Variants in PEBP4 observed in about 807,000 individuals in gnomAD.
PEBP4 encodes the protein phosphatidylethanolamine-binding protein 4.
PEBP4 carries 22 observed loss-of-function variants against 23.9 expected under a neutral mutation model. The observed-to-expected ratio is 0.92, with a 90% CI of 0.66 to 1.31. The LOEUF is 1.31. Ranked by LOEUF, PEBP4 falls within the 40% of genes most tolerant of loss-of-function variation. The pLI is 0.00. For synonymous variants in PEBP4, 112 were observed against 99.3 expected (o/e 1.13, Z -0.76); for missense variants, 324 against 281.7 (o/e 1.15, Z -1.07).
chr8:22,782,295 C>G (rs1805933269), intron 4 of PEBP4, among the ~76,000 whole-genome samples: 1 of 152,210 alleles, frequency 6.6e-6, no homozygotes, highest in African/African-American at 2.4e-5. Flanking sequence ...TAAGAGCAAT[C>G]ATGTGAGCTA....
intron 4 of PEBP4, among the ~76,000 whole-genome samples, chr8:22,767,245 A>G (rs1805629091): frequency 6.6e-6 from 1 of 152,222 alleles, no homozygotes; most frequent in Non-Finnish European, 1.5e-5. Context: ...TTCCCAAATC[A>G]TACCACTTAG....
intron 3 of PEBP4, among the ~76,000 whole-genome samples, chr8:22,882,612 T>TC (rs1274304630): frequency 6.6e-6 from 1 of 152,198 alleles, no homozygotes; most frequent in Non-Finnish European, 1.5e-5. Flanking sequence ...GGTGTATTAA[T>TC]CGTGTCTTTT....
chr8:22,790,982 G>T (rs1291818761), intron 4 of PEBP4, among the ~76,000 whole-genome samples: 2 of 152,196 alleles, frequency 1.3e-5, no homozygotes, highest in Admixed American at 1.3e-4. Flanking sequence ...GGAACAATAT[G>T]ACAGCAGTTA....
At chr8:22,922,598 C>T (rs1196276083) in intron 2 of PEBP4, among the ~76,000 whole-genome samples, 2 of 125,966 alleles carry the variant, frequency 1.6e-5, no homozygotes, top group Admixed American at 1.5e-4. Context: ...AAAAAAAACA[C>T]CATGGTAGTG....
At chr8:22,811,158 A>G (rs1167212739) in intron 4 of PEBP4, among the ~76,000 whole-genome samples, 1 of 152,132 alleles carries the variant, frequency 6.6e-6, no homozygotes, top group African/African-American at 2.4e-5. Context: ...CTCATTTCCA[A>G]TTCACTGCAT....
chr8:22,787,048 C>A (rs925802481), intron 4 of PEBP4, among the ~76,000 whole-genome samples: 3 of 152,162 alleles, frequency 2.0e-5, no homozygotes, highest in Non-Finnish European at 4.4e-5. Flanking sequence ...GTCTGGAACT[C>A]CTGGGCTCAA....
intron 3 of PEBP4, among the ~76,000 whole-genome samples, chr8:22,818,827 T>C (rs1186775199): frequency 6.6e-6 from 1 of 152,050 alleles, no homozygotes; most frequent in African/African-American, 2.4e-5. Context: ...GGAGTATTTT[T>C]AGGTAAAATC....
At chr8:22,773,253 G>A (rs983981480) in intron 4 of PEBP4, among the ~76,000 whole-genome samples, 6 of 152,114 alleles carry the variant, frequency 3.9e-5, no homozygotes, top group Admixed American at 2.0e-4. Flanking sequence ...ATGTCCTATC[G>A]CAGCACAAAA....
chr8:22,817,649 T>G lies in PEBP4; in HGVS notation c.345A>C (p.Val115=). Residue 115 remains valine, a synonymous_variant, in exon 4 of 7, where the codon GTA becomes GTC. Coordinates refer to ENST00000256404, the MANE Select transcript of PEBP4 (RefSeq NM_144962.3). ...TTGGCCTGCTTACCTTGATATCTGT[T>G]ACCAGCCAATGTCTCCAGAATCTCT... The part of the protein sequence containing the change: ...PRQRFWRHWL[V]TDIKGADLKK... The G allele has an allele frequency of 6.2e-7, 1 of 1,614,046 alleles. No homozygotes were observed.
At chr8:22,727,444 G>T (rs1804641415) in intron 4 of PEBP4, among the ~76,000 whole-genome samples, 1 of 152,088 alleles carries the variant, frequency 6.6e-6, no homozygotes, top group Non-Finnish European at 1.5e-5. Flanking sequence ...TACCTCAGGG[G>T]ATCCAGGGAA....
At chr8:22,838,337 C>A (rs956786377) in intron 3 of PEBP4, among the ~76,000 whole-genome samples, 6 of 152,222 alleles carry the variant, frequency 3.9e-5, no homozygotes, top group Non-Finnish European at 8.8e-5. Context: ...TGTTAGGAAA[C>A]AGGTTTTTTG....
chr8:22,892,598 G>T (rs968170761), intron 3 of PEBP4, among the ~76,000 whole-genome samples: 1 of 152,228 alleles, frequency 6.6e-6, no homozygotes, highest in African/African-American at 2.4e-5. Flanking sequence ...TTTGGAAGTA[G>T]AAGAGGTTGT....
At chr8:22,911,525 C>A (rs569740066) in intron 3 of PEBP4, among the ~76,000 whole-genome samples, 2 of 152,324 alleles carry the variant, frequency 1.3e-5, no homozygotes, top group East Asian at 3.9e-4. Flanking sequence ...ACAAATAACA[C>A]ATGATACTGC....
At chr8:22,925,113 A>G (rs2466221) in intron 2 of PEBP4, 297,546 of 985,064 alleles carry the variant, frequency 0.3, 45,847 homozygotes, top group East Asian at 0.46. Flanking sequence ...TCCTTGATGC[A>G]TTTTTCATTT....
At chr8:22,930,528 G>T (rs1261410142), upstream of PEBP4, among the ~76,000 whole-genome samples, 1 of 152,046 alleles carries the variant, frequency 6.6e-6, no homozygotes, top group Non-Finnish European at 1.5e-5. Flanking sequence ...TAAAATTCTT[G>T]TTTAAGTGCA....
chr8:22,737,758 G>A (rs1209415116), intron 4 of PEBP4, among the ~76,000 whole-genome samples: 4 of 152,186 alleles, frequency 2.6e-5, no homozygotes, highest in Non-Finnish European at 4.4e-5. Context: ...ATTTCACAGC[G>A]TCTGAGTTTC....
intron 3 of PEBP4, among the ~76,000 whole-genome samples, chr8:22,852,316 A>G (rs573179420): frequency 2.6e-5 from 4 of 152,126 alleles, no homozygotes; most frequent in South Asian, 2.1e-4. Context: ...TTTTTTCCCT[A>G]TCTGTTGTAG....
intron 3 of PEBP4, among the ~76,000 whole-genome samples, chr8:22,840,153 T>G (rs1807293054): frequency 6.6e-6 from 1 of 152,244 alleles, no homozygotes; most frequent in Non-Finnish European, 1.5e-5. Context: ...GAATTATATC[T>G]AACCGTGATC....
At chr8:22,751,896 T>G (rs1244607123) in intron 4 of PEBP4, among the ~76,000 whole-genome samples, 1 of 146,100 alleles carries the variant, frequency 6.8e-6, no homozygotes, top group Non-Finnish European at 1.5e-5. Flanking sequence ...CACCCTCTCT[T>G]TCTTTTTGTT....
Sources: allele counts gnomAD v4.1 joint callset (sites outside exome capture counted in the v4.1 genomes callset), GRCh38; gene constraint gnomAD v4.1.1; transcripts MANE v1.5; gene names NCBI Gene and HGNC (gene_info 2026-07-23, HGNC 2026-07-21).